The following SBF2 variants were observed in gnomAD, a reference collection of about 807,000 sequenced individuals.
The protein encoded by SBF2 is SET binding factor 2.
Under a neutral mutation model 225.2 loss-of-function variants are expected in SBF2, and 112 were observed. The ratio of observed to expected loss-of-function variants is 0.50; its 90% CI spans 0.43 to 0.58. SBF2 has a LOEUF of 0.58. SBF2 is among the 20% of genes least tolerant of loss of function. The pLI is 0.00. For missense variants in SBF2, 1,996 were observed against 2,206.2 expected, an observed-to-expected ratio of 0.90 and a Z score of 1.91; for synonymous variants, 763 against 773.3, an observed-to-expected ratio of 0.99 and a Z score of 0.22.
chr11:10,174,355 G>T (rs1004123746), intron 2 of SBF2, among the ~76,000 whole-genome samples: 1 of 152,212 alleles, frequency 6.6e-6, no homozygotes, highest in African/African-American at 2.4e-5. Context: ...CGAGAACTAC[G>T]TGAAGAATGC....
intron 2 of SBF2, among the ~76,000 whole-genome samples, chr11:10,093,868 C>A (rs1318118081): frequency 6.6e-6 from 1 of 152,166 alleles, no homozygotes; most frequent in East Asian, 1.9e-4. Flanking sequence ...AAATAAATCA[C>A]AAACTACATA....
chr11:10,115,046 T>C (rs1953064123), intron 2 of SBF2, among the ~76,000 whole-genome samples: 1 of 152,172 alleles, frequency 6.6e-6, no homozygotes, highest in Non-Finnish European at 1.5e-5. Flanking sequence ...CATATGCAAC[T>C]CAAGTTTGTA....
intron 16 of SBF2, among the ~76,000 whole-genome samples, chr11:9,940,360 G>A (rs868855962): frequency 1.3e-4 from 19 of 151,920 alleles, no homozygotes; most frequent in African/African-American, 3.6e-4. Flanking sequence ...AGCCAAGATC[G>A]CGCCACTGCA....
At chr11:10,287,476 A>G (rs1378677310) in intron 1 of SBF2, among the ~76,000 whole-genome samples, 1 of 151,836 alleles carries the variant, frequency 6.6e-6, no homozygotes, top group Non-Finnish European at 1.5e-5. Context: ...GGGGCTCACC[A>G]TGTGGCACAG....
chr11:10,110,717 G>A (rs767670972), intron 2 of SBF2, among the ~76,000 whole-genome samples: 5 of 151,948 alleles, frequency 3.3e-5, no homozygotes, highest in Non-Finnish European at 5.9e-5. Context: ...AACAAAAATG[G>A]TTCTGTTGGC....
At chr11:10,177,729 G>T (rs1372843386) in intron 2 of SBF2, among the ~76,000 whole-genome samples, 1 of 151,046 alleles carries the variant, frequency 6.6e-6, no homozygotes, top group Non-Finnish European at 1.5e-5. Context: ...CATGCTCATG[G>T]GTAGGAAGAA....
chr11:9,908,673 A>C (rs541738850), intron 16 of SBF2, among the ~76,000 whole-genome samples: 2 of 113,148 alleles, frequency 1.8e-5, no homozygotes, highest in East Asian at 4.1e-4. Flanking sequence ...CCCAAATGCC[A>C]TCTGTTCATA....
chr11:10,056,885 A>T (rs1044443770), intron 2 of SBF2, among the ~76,000 whole-genome samples: 2 of 151,946 alleles, frequency 1.3e-5, no homozygotes, highest in Non-Finnish European at 2.9e-5. Context: ...GCTGAAATGG[A>T]CCCCAGCACA....
intron 13 of SBF2, among the ~76,000 whole-genome samples, chr11:9,974,960 CAAA>C (rs1166081188): frequency 3.4e-4 from 8 of 23,258 alleles, no homozygotes; most frequent in East Asian, 4.0e-3. Context: ...AACTTTGACT[CAAA>C]AAAAAAAAAA....
At position 9,846,182 on chromosome 11, in the gene SBF2, G is replaced by A. The variant is rs139477217; in HGVS notation, c.2935-442C>T. Among the ~76,000 whole-genome samples the A allele has an allele frequency of 2.3e-3, 343 of 152,264 alleles. 1 individual carries two copies. The highest frequency in any genetic ancestry group is 0.01 in the Middle Eastern group (3 of 294). On this transcript the variant is annotated intron_variant, in intron 23 of 39. Transcript: ENST00000256190. Reference sequence around the variant, plus strand: ...TTGAGTGTGGAGTTCTTTGGTAGTCGGGACAGTGAGGAAATCCTTAGGCAG... The same window carrying A: ...TTGAGTGTGGAGTTCTTTGGTAGTCAGGACAGTGAGGAAATCCTTAGGCAG...
At chr11:10,304,079 T>C (rs1397771848) in intron 1 of SBF2, among the ~76,000 whole-genome samples, 3 of 152,172 alleles carry the variant, frequency 2.0e-5, no homozygotes, top group African/African-American at 2.4e-5. Context: ...TCTCTGCAGA[T>C]ACCTCCCCTC....
intron 2 of SBF2, among the ~76,000 whole-genome samples, chr11:10,080,650 T>C (rs1244953270): frequency 6.6e-6 from 1 of 152,114 alleles, no homozygotes; most frequent in Admixed American, 6.5e-5. Context: ...TTAAATGCTC[T>C]ACTTAAAAGA....
chr11:9,992,529 C>T lies in SBF2; in HGVS notation c.1182G>A (p.Gly394=), dbSNP rs779049656. 3.1e-6 allele frequency: 5 copies of T among 1,611,992 alleles called. No individual in the cohort carries two copies. The highest frequency in any genetic ancestry group is 3.4e-6 in the Non-Finnish European group (4 of 1,179,082). The change falls in exon 12 of 40, where the codon GGG becomes GGA. Residue 394 remains glycine (G), a synonymous_variant. Coordinates refer to ENST00000256190, the MANE Select transcript of SBF2 (RefSeq NM_030962.4). ...VIHFHKTAFL[G]QRGLVENDFL... ...AATCATTCTCGACCAAACCACGCTG[C>T]CCCAAGAATGCTGTCTGTGAAAAAA...
At chr11:10,098,762 G>GT (rs372198919) in intron 2 of SBF2, among the ~76,000 whole-genome samples, 94 of 145,758 alleles carry the variant, frequency 6.4e-4, no homozygotes, top group African/African-American at 2.3e-3. Flanking sequence ...AAATAAAAAT[G>GT]TAACGGCCAA....
At chr11:10,149,924 GGAA>G (rs1206293374) in intron 2 of SBF2, among the ~76,000 whole-genome samples, 1 of 152,090 alleles carries the variant, frequency 6.6e-6, no homozygotes, top group East Asian at 1.9e-4. Context: ...AGGAGAGTAT[GGAA>G]AGTTTTGAAG....
chr11:10,275,862 G>GA (rs1303065086), intron 1 of SBF2, among the ~76,000 whole-genome samples: 2 of 152,054 alleles, frequency 1.3e-5, no homozygotes, highest in Admixed American at 6.5e-5. Context: ...TAAGAGTGGG[G>GA]AAAAAAATGT....
At chr11:10,250,338 G>T in intron 1 of SBF2, among the ~76,000 whole-genome samples, 1 of 152,186 alleles carries the variant, frequency 6.6e-6, no homozygotes, top group East Asian at 1.9e-4. Context: ...TCAAGAGGAT[G>T]TAAGTCCAAC....
At position 9,993,884 on chromosome 11, in the gene SBF2, C is replaced by T. The variant is rs566298682; in HGVS notation, c.1053+37G>A. 8 of 1,483,156 alleles carry T rather than the reference C, an allele frequency of 5.4e-6. No homozygotes were observed. In the African/African-American group the frequency reaches 9.7e-5, roughly 18 times the overall value. The allele number at this position is 1,483,156 out of a possible 1,614,324, so 91.9% of individuals were successfully genotyped here. On this transcript the variant is annotated intron_variant, in intron 10 of 39. Coordinates refer to ENST00000256190, the MANE Select transcript of SBF2 (RefSeq NM_030962.4). ...ACCCTATAAATAAAAATACAGCTCTCTTTAACAGCATTAAATTTAAATATT... is the reference window on the plus strand; with the variant it reads ...ACCCTATAAATAAAAATACAGCTCTTTTTAACAGCATTAAATTTAAATATT...
At chr11:9,967,367 G>A (rs1412220864) in intron 14 of SBF2, among the ~76,000 whole-genome samples, 2 of 129,210 alleles carry the variant, frequency 1.5e-5, no homozygotes, top group African/African-American at 5.6e-5. Flanking sequence ...GCGAGACTCC[G>A]TCTCAAAAAA....
Sources: gnomAD v4.1 joint callset for allele counts (sites outside exome capture counted in the v4.1 genomes callset) on GRCh38, gnomAD v4.1.1 for gene constraint, MANE v1.5 for transcripts, NCBI Gene and HGNC (gene_info 2026-07-23, HGNC 2026-07-21) for gene names.